Variants in TMEM219 observed in about 807,000 individuals in gnomAD.
TMEM219 encodes insulin-like growth factor-binding protein 3 receptor.
TMEM219 carries 18 observed loss-of-function variants against 17.9 expected under a neutral mutation model. That is an observed-to-expected ratio of 1.01 (90% CI 0.70 to 1.49). The LOEUF is 1.49. Ranked by LOEUF, TMEM219 falls within the 40% of genes most tolerant of loss-of-function variation. The probability of loss-of-function intolerance (pLI) is 0.00; values close to 1 mark genes in which losing one functional copy is unlikely to be tolerated. For synonymous variants in TMEM219, 113 were observed against 124.0 expected, an observed-to-expected ratio of 0.91 and a Z score of 0.59; for missense variants, 288 against 292.4, an observed-to-expected ratio of 0.99 and a Z score of 0.11.
chr16:29,963,378 A>G (rs752858381), intron 2 of TMEM219, 22 bp from the exon 3 acceptor site: 1 of 1,612,230 alleles, frequency 6.2e-7, no homozygotes, highest in South Asian at 1.1e-5. Flanking sequence ...ATCTCATCTC[A>G]CCCGTCTTCT....
At chr16:29,969,782 G>A (rs1412772318) in intron 4 of TMEM219, among the ~76,000 whole-genome samples, 1 of 152,176 alleles carries the variant, frequency 6.6e-6, no homozygotes, top group Non-Finnish European at 1.5e-5. Context: ...TGATGGAGAG[G>A]CTCTGTGAAT....
At chr16:29,968,377 G>A in intron 4 of TMEM219, 123 bp downstream of exon 4, 1 of 744,070 alleles carries the variant, frequency 1.3e-6, no homozygotes, top group South Asian at 1.8e-5. Context: ...CTGCCTTGGG[G>A]GCTGTGTGAC....
chr16:29,966,145 A>G (rs556913157), intron 3 of TMEM219, among the ~76,000 whole-genome samples: 95 of 152,326 alleles, frequency 6.2e-4, no homozygotes, highest in African/African-American at 2.1e-3. Flanking sequence ...CTGGGATTAC[A>G]GGCATGAGCT....
intron 5 of TMEM219, 59 bp from the exon 6 acceptor site, chr16:29,972,891 C>G (rs2069322555): frequency 1.3e-5 from 2 of 152,206 alleles, no homozygotes; most frequent in Admixed American, 1.3e-4. Flanking sequence ...GCACACATCT[C>G]AGAGCTTCCT....
intron 1 of TMEM219, 95 bp from the exon 2 acceptor site, chr16:29,963,012 G>A: frequency 1.9e-6 from 2 of 1,048,508 alleles, no homozygotes; most frequent in South Asian, 1.5e-5. Flanking sequence ...GCCACTTACT[G>A]TGTGGCCTTG....
rs1432262795 is a variant in TMEM219, at chr16:29,963,179, G to A, written c.36G>A (p.Leu12=). 3 of 1,613,280 alleles carry A rather than the reference G, an allele frequency of 1.9e-6. No homozygotes were observed. Among genetic ancestry groups the A allele is most frequent in the Middle Eastern group, 3.3e-4 (2 of 6,082 alleles). ...GNCQAGHNLH[L]CLAHHPPLVC... is the part of the protein sequence containing the mutation. ...GCCAGGCAGGGCACAACCTGCACCT[G>A]TGTCTGGCCCACCACCCACCTCTGG... Residue 12 remains leucine, a synonymous_variant, in exon 2 of 6, where the codon CTG becomes CTA. Coordinates refer to ENST00000279396, the MANE Select transcript of TMEM219 (RefSeq NM_001083613.2).
At chr16:29,966,105 A>G (rs928066948) in intron 3 of TMEM219, among the ~76,000 whole-genome samples, 1 of 151,844 alleles carries the variant, frequency 6.6e-6, no homozygotes, top group Admixed American at 6.6e-5. Flanking sequence ...ACTGGGCTCA[A>G]GTGATCCTCC....
At chr16:29,967,125 C>T (rs1293411890) in intron 3 of TMEM219, among the ~76,000 whole-genome samples, 2 of 152,160 alleles carry the variant, frequency 1.3e-5, no homozygotes, top group African/African-American at 4.8e-5. Context: ...CTGCCCATTT[C>T]ACTGCAGCCT....
chr16:29,969,426 A>G (rs2069253839), intron 4 of TMEM219, among the ~76,000 whole-genome samples: 1 of 151,788 alleles, frequency 6.6e-6, no homozygotes, highest in Non-Finnish European at 1.5e-5. Context: ...CAATCTCCTG[A>G]CCTCGTGATC....
At chr16:29,965,252 C>T (rs1159361657) in intron 3 of TMEM219, among the ~76,000 whole-genome samples, 1 of 152,020 alleles carries the variant, frequency 6.6e-6, no homozygotes, top group Admixed American at 6.6e-5. Flanking sequence ...ATATATGTGT[C>T]GGGGGAGTGG....
In TMEM219 at chr16:29,968,045, G is replaced by A; in HGVS notation, c.376G>A (p.Val126Ile). The A allele has an allele frequency of 6.2e-7, 1 of 1,614,068 alleles. No individual in the cohort carries two copies. Among genetic ancestry groups the A allele is most frequent in the East Asian group, 2.2e-5 (1 of 44,882 alleles). Residue 126 changes from valine (V) to isoleucine (I), a missense_variant, in exon 4 of 6, where the codon GTC (valine) becomes ATC (isoleucine). By Grantham distance (29) the Val-to-Ile change is conservative (BLOSUM62 3). Transcript: ENST00000279396. ...GLKGSSAGQL[V>I]LITARVTTER... is the part of the protein sequence containing the mutation. Reference sequence around the variant, plus strand: ...CACAGGATCTTCTGCAGGACAACTGGTCCTTATCACAGCCAGGGTGACCAC... The same window carrying A: ...CACAGGATCTTCTGCAGGACAACTGATCCTTATCACAGCCAGGGTGACCAC...
chr16:29,968,777 G>A (rs1198365031), intron 4 of TMEM219, among the ~76,000 whole-genome samples: 1 of 152,206 alleles, frequency 6.6e-6, no homozygotes, highest in Non-Finnish European at 1.5e-5. Flanking sequence ...TGCACAAAGT[G>A]CTCTCAGGGT....
chr16:29,966,822 TAATAAAATAA>T (rs367819793), intron 3 of TMEM219, among the ~76,000 whole-genome samples: 16 of 152,034 alleles, frequency 1.1e-4, no homozygotes, highest in African/African-American at 2.2e-4. Flanking sequence ...GTCTCAAAAA[TAATAAAATAA>T]AATAAAATAA....
intron 5 of TMEM219, 111 bp downstream of exon 5, chr16:29,971,689 G>T: frequency 9.1e-7 from 1 of 1,104,564 alleles, no homozygotes; most frequent in South Asian, 1.5e-5. Context: ...CTGCTTCTGA[G>T]TCCCCGAGAA....
rs76571198 is a variant in TMEM219 at position 29,963,426 on chromosome 16, T to C, written c.192T>C (p.Phe64=). 3.1e-3 allele frequency: 4,925 copies of C among 1,614,202 alleles called. 140 individuals are homozygous for C. The African/African-American group carries it at 0.058, about 19-fold the overall frequency. ...ACTGGGTCTCTTTTTTGAGATCTTT[T>C]GGCCAGCTGACCCTGTGTCCCAGGA... ...PQDWVSFLRS[F]GQLTLCPRNG... is the part of the protein sequence containing the mutation. Residue 64 remains phenylalanine, a synonymous_variant, in exon 3 of 6, where the codon TTT becomes TTC. Coordinates refer to ENST00000279396, the MANE Select transcript of TMEM219 (RefSeq NM_001083613.2).
At chr16:29,966,661 A>G (rs2069215937) in intron 3 of TMEM219, among the ~76,000 whole-genome samples, 1 of 152,032 alleles carries the variant, frequency 6.6e-6, no homozygotes, top group African/African-American at 2.4e-5. Context: ...CTAAAAATAC[A>G]AAAAATTAGC....
chr16:29,965,761 G>A lies in TMEM219; in HGVS notation c.355+2172G>A, dbSNP rs372780643. On this transcript the variant is annotated intron_variant, in intron 3 of 5. Transcript: ENST00000279396. ...ACCTAATTCCCGCCCCCCAGCCCAA[G>A]GAGTCTTGCTCTGTCACCCAGACTG... Among the ~76,000 whole-genome samples the A allele has an allele frequency of 7.4e-4, 113 of 152,058 alleles. 1 individual carries two copies. The highest frequency in any genetic ancestry group is 2.6e-3 in the African/African-American group (107 of 41,512).
At chr16:29,969,751 G>T (rs1053180312) in intron 4 of TMEM219, among the ~76,000 whole-genome samples, 1 of 152,144 alleles carries the variant, frequency 6.6e-6, no homozygotes, top group African/African-American at 2.4e-5. Context: ...AGGAGAAAAG[G>T]CAAGAGAGAC....
At chr16:29,969,192 C>CTTTTTTT (rs1197231032) in intron 4 of TMEM219, among the ~76,000 whole-genome samples, 2 of 122,972 alleles carry the variant, frequency 1.6e-5, no homozygotes, top group African/African-American at 3.0e-5. Context: ...TTCTTTTTCG[C>CTTTTTTT]TTTTTTTTTT....
Sources: gnomAD v4.1 joint callset for allele counts (sites outside exome capture counted in the v4.1 genomes callset) on GRCh38, gnomAD v4.1.1 for gene constraint, MANE v1.5 for transcripts, NCBI Gene and HGNC (gene_info 2026-07-23, HGNC 2026-07-21) for gene names.